ITPR2: variants seen among roughly 807,000 people sequenced by gnomAD.
ITPR2 encodes inositol 1,4,5-trisphosphate receptor type 2.
A neutral mutation model predicts 317.1 loss-of-function variants in ITPR2; 207 were observed. The observed-to-expected ratio is 0.65, with a 90% CI of 0.58 to 0.73. The LOEUF (loss-of-function observed/expected upper bound fraction) is 0.73, where lower values mean the gene tolerates loss of function less well. Ranked by LOEUF, ITPR2 falls within the 30% of genes least tolerant of loss-of-function variation. The pLI, the probability that ITPR2 is intolerant of heterozygous loss-of-function variation, is 0.00. For synonymous variants in ITPR2, 1,156 were observed against 1,149.1 expected, an observed-to-expected ratio of 1.01 and a Z score of -0.12; for missense variants, 2,613 against 3,284.0, an observed-to-expected ratio of 0.80 and a Z score of 4.99.
At chr12:26,787,131 TAAG>T (rs1457678342) in intron 2 of ITPR2, among the ~76,000 whole-genome samples, 1 of 152,146 alleles carries the variant, frequency 6.6e-6, no homozygotes, top group Non-Finnish European at 1.5e-5. Flanking sequence ...TCCTGGCTGT[TAAG>T]AAGGCCAGGG....
At chr12:26,675,458 A>G (rs1947886036) in intron 13 of ITPR2, among the ~76,000 whole-genome samples, 1 of 152,118 alleles carries the variant, frequency 6.6e-6, no homozygotes, top group South Asian at 2.1e-4. Context: ...CAAAAAACCA[A>G]ACACCACATG....
intron 1 of ITPR2, among the ~76,000 whole-genome samples, chr12:26,815,037 T>C (rs903334118): frequency 6.6e-6 from 1 of 152,208 alleles, no homozygotes; most frequent in Admixed American, 6.5e-5. Context: ...TAATCAGAAT[T>C]CTTAGCCAAT....
intron 32 of ITPR2, among the ~76,000 whole-genome samples, chr12:26,594,764 TA>T (rs1394350257): frequency 1.3e-5 from 2 of 151,756 alleles, no homozygotes; most frequent in Non-Finnish European, 2.9e-5. Flanking sequence ...TAAGATGTGC[TA>T]AAGAAAATTG....
At chr12:26,352,905 T>C (rs757970987) in intron 55 of ITPR2, among the ~76,000 whole-genome samples, 4 of 152,186 alleles carry the variant, frequency 2.6e-5, no homozygotes, top group Non-Finnish European at 4.4e-5. Flanking sequence ...TGTTGGCAGT[T>C]TGAAATCAAC....
intron 43 of ITPR2, among the ~76,000 whole-genome samples, chr12:26,480,829 G>A (rs1470011039): frequency 6.6e-6 from 1 of 152,010 alleles, no homozygotes; most frequent in East Asian, 1.9e-4. Flanking sequence ...GGCAGAGCTA[G>A]ACTTCATCTC....
At chr12:26,504,259 T>G (rs990598416) in intron 37 of ITPR2, among the ~76,000 whole-genome samples, 1 of 152,214 alleles carries the variant, frequency 6.6e-6, no homozygotes, top group African/African-American at 2.4e-5. Flanking sequence ...AATTGTTCAT[T>G]AGTGGAAAGG....
intron 45 of ITPR2, among the ~76,000 whole-genome samples, chr12:26,466,421 G>T (rs760039100): frequency 2.0e-5 from 3 of 152,168 alleles, no homozygotes; most frequent in Admixed American, 6.5e-5. Flanking sequence ...GTTAGCCAAG[G>T]CCTCGGGTAT....
At chr12:26,408,687 A>T (rs1302561447) in intron 52 of ITPR2, among the ~76,000 whole-genome samples, 3 of 152,158 alleles carry the variant, frequency 2.0e-5, no homozygotes, top group Non-Finnish European at 4.4e-5. Flanking sequence ...CTGGAACAAC[A>T]AGTACTAGCT....
At chr12:26,812,651 A>T (rs1950777250) in intron 1 of ITPR2, among the ~76,000 whole-genome samples, 1 of 152,244 alleles carries the variant, frequency 6.6e-6, no homozygotes, top group South Asian at 2.1e-4. Flanking sequence ...AGCTTTCCAG[A>T]TACTCAAACA....
chr12:26,419,063 A>G lies in ITPR2; in HGVS notation c.7096T>C (p.Phe2366Leu), dbSNP rs1388420703. Residue 2366 changes from phenylalanine (F) to leucine (L), a missense_variant, in exon 50 of 57, where the codon TTC becomes CTC. Physicochemically the swap from Phe to Leu is conservative, Grantham distance 22. Around this residue, in one of 9 missense-constraint regions of ITPR2, gnomAD observed 78 missense variants for 110.3 expected, o/e 0.71. Transcript: ENST00000381340. ...GATGTACTCACCAGGAAGCTATAGA[A>G]GAATTCATGGACAAAAAGGCCCAGC... is the stretch of plus-strand genomic sequence containing the variant. ...CMLGLFVHEF[F>L]YSFLLFDLVY... The G allele has an allele frequency of 1.2e-6, 2 of 1,613,566 alleles. No homozygotes were observed. Among genetic ancestry groups the G allele is most frequent in the Admixed American group, 1.7e-5 (1 of 59,944 alleles).
At chr12:26,702,914 C>T (rs914792392) in intron 9 of ITPR2, among the ~76,000 whole-genome samples, 46 of 152,222 alleles carry the variant, frequency 3.0e-4, no homozygotes, top group African/African-American at 1.1e-3. Flanking sequence ...AAAAAAGATG[C>T]TATTCTTAAA....
At chr12:26,404,446 C>T (rs564139848) in intron 52 of ITPR2, among the ~76,000 whole-genome samples, 3 of 152,138 alleles carry the variant, frequency 2.0e-5, no homozygotes, top group African/African-American at 7.2e-5. Flanking sequence ...TACTGTGATC[C>T]AAATTAAGGA....
intron 26 of ITPR2, among the ~76,000 whole-genome samples, chr12:26,620,221 G>C (rs1231457903): frequency 6.6e-6 from 1 of 152,252 alleles, no homozygotes; most frequent in Middle Eastern, 3.2e-3. Flanking sequence ...GGCTGCGAGG[G>C]CCGCAAAGGA....
chr12:26,604,337 A>G (rs1565634364), intron 26 of ITPR2, among the ~76,000 whole-genome samples: 1 of 152,168 alleles, frequency 6.6e-6, no homozygotes, highest in Non-Finnish European at 1.5e-5. Flanking sequence ...ATTTTACTGT[A>G]TAGACAGAAA....
At chr12:26,471,754 T>G (rs958145886) in intron 45 of ITPR2, among the ~76,000 whole-genome samples, 1 of 152,200 alleles carries the variant, frequency 6.6e-6, no homozygotes, top group Non-Finnish European at 1.5e-5. Context: ...CATCTTGGTT[T>G]TGGAATTACT....
At chr12:26,597,169 C>A (rs767662468) in intron 30 of ITPR2, 35 bp from the exon 31 acceptor site, 3 of 1,609,898 alleles carry the variant, frequency 1.9e-6, no homozygotes, top group South Asian at 1.1e-5. Context: ...TGTAGCAGTC[C>A]GAACATTCAT....
chr12:26,619,653 G>A (rs557941668), intron 26 of ITPR2, among the ~76,000 whole-genome samples: 1 of 152,184 alleles, frequency 6.6e-6, no homozygotes, highest in South Asian at 2.1e-4. Flanking sequence ...GATGCCGTCA[G>A]GAGAAAGACT....
rs576053827 is a variant in ITPR2 at position 26,336,087 on chromosome 12, G to T, written c.*3310C>A. Among the ~76,000 whole-genome samples, 16 of 152,164 alleles carry T rather than the reference G, an allele frequency of 1.1e-4. No individual in the cohort carries two copies. The South Asian group carries it at 3.1e-3, about 30-fold the overall frequency. ...GCCTGTGCAATATTTACTTGCTTAC[G>T]TCCAATCTACTGGGTCCCTGAAGAA... On this transcript the variant is annotated 3_prime_UTR_variant, in exon 57 of 57. Coordinates refer to ENST00000381340, the MANE Select transcript of ITPR2 (RefSeq NM_002223.4).
At chr12:26,816,712 T>C (rs942257184) in intron 1 of ITPR2, among the ~76,000 whole-genome samples, 1 of 152,100 alleles carries the variant, frequency 6.6e-6, no homozygotes, top group Non-Finnish European at 1.5e-5. Flanking sequence ...GAAAAGAATA[T>C]GGTGCTATCT....
Sources: gnomAD v4.1 joint callset for allele counts (sites outside exome capture counted in the v4.1 genomes callset) on GRCh38, gnomAD v4.1.1 for gene constraint, gnomAD v4.1.1 regional missense constraint, MANE v1.5 for transcripts, NCBI Gene and HGNC (gene_info 2026-07-23, HGNC 2026-07-21) for gene names.